SBK1: variants seen among roughly 807,000 people sequenced by gnomAD.
The protein encoded by SBK1 is SH3 domain binding kinase 1.
In SBK1, 11 loss-of-function variants were observed where a neutral mutation model predicts 24.4. The observed-to-expected ratio is 0.45, with a 90% CI of 0.28 to 0.75. SBK1 has a LOEUF of 0.75. SBK1 is among the 30% of genes least tolerant of loss of function. The pLI, the probability that SBK1 is intolerant of heterozygous loss-of-function variation, is 0.12. For synonymous variants in SBK1, 308 were observed against 284.4 expected (o/e 1.08, Z -0.83); for missense variants, 467 against 620.5 (o/e 0.75, Z 2.63).
chr16:28,289,534 G>A (rs1197296509), upstream of SBK1, among the ~76,000 whole-genome samples: 3 of 152,258 alleles, frequency 2.0e-5, no homozygotes, highest in African/African-American at 4.8e-5. Context: ...GGGAGGCTGA[G>A]GTGGACAGCT....
intron 1 of SBK1, among the ~76,000 whole-genome samples, chr16:28,304,186 A>G (rs1176388281): frequency 6.6e-6 from 1 of 152,226 alleles, no homozygotes; most frequent in African/African-American, 2.4e-5. Flanking sequence ...AGTTTGGTCA[A>G]ATGAATGGCA....
chr16:28,263,760 A>G (rs1432403226), intron 1 of SBK1, among the ~76,000 whole-genome samples: 1 of 152,190 alleles, frequency 6.6e-6, no homozygotes, highest in African/African-American at 2.4e-5. Flanking sequence ...CAGAATGAAT[A>G]GAGGACGCCA....
chr16:28,280,145 A>ATGTGTGTGTGTGTGTGTG (rs1292773760), intron 1 of SBK1, among the ~76,000 whole-genome samples: 8 of 55,284 alleles, frequency 1.4e-4, no homozygotes, highest in South Asian at 5.5e-4. Flanking sequence ...ATATATATAT[A>ATGTGTGTGTGTGTGTGTG]TATATGTGTG....
At chr16:28,313,746 G>C (rs1190841081) in intron 1 of SBK1, among the ~76,000 whole-genome samples, 1 of 152,004 alleles carries the variant, frequency 6.6e-6, no homozygotes, top group Non-Finnish European at 1.5e-5. Flanking sequence ...GGACGGTGCA[G>C]ATGGAGCTCC....
intron 1 of SBK1, among the ~76,000 whole-genome samples, chr16:28,296,426 C>T (rs1367962511): frequency 3.3e-5 from 5 of 151,998 alleles, no homozygotes; most frequent in African/African-American, 7.2e-5. Flanking sequence ...TGGGTAGAGA[C>T]GAGGTTTCAC....
At chr16:28,295,414 C>T (rs1219771658) in intron 1 of SBK1, among the ~76,000 whole-genome samples, 3 of 152,162 alleles carry the variant, frequency 2.0e-5, no homozygotes, top group Non-Finnish European at 2.9e-5. Context: ...CCTCCACCTC[C>T]CTTTTTGAGC....
At chr16:28,269,478 G>A (rs952959121) in intron 1 of SBK1, among the ~76,000 whole-genome samples, 34 of 152,156 alleles carry the variant, frequency 2.2e-4, no homozygotes, top group African/African-American at 8.0e-4. Flanking sequence ...AGACAGTAGA[G>A]AGGAGAGGAA....
At chr16:28,267,752 C>A (rs2044438747) in intron 1 of SBK1, among the ~76,000 whole-genome samples, 1 of 152,184 alleles carries the variant, frequency 6.6e-6, no homozygotes, top group Non-Finnish European at 1.5e-5. Context: ...ACTGCCAAAT[C>A]CCTGAAAGGT....
upstream of SBK1, chr16:28,258,879 G>C (rs1462212345): frequency 6.5e-6 from 1 of 152,906 alleles, no homozygotes; most frequent in Admixed American, 6.5e-5. Flanking sequence ...ACTCACCCCA[G>C]CCGAGGAGAA....
intron 1 of SBK1, among the ~76,000 whole-genome samples, chr16:28,266,237 C>T (rs755818353): frequency 6.6e-6 from 1 of 151,842 alleles, no homozygotes; most frequent in African/African-American, 2.4e-5. Flanking sequence ...CATAGTGGCA[C>T]GTATCGGTAT....
intron 1 of SBK1, among the ~76,000 whole-genome samples, chr16:28,265,969 A>C (rs1353713995): frequency 6.6e-6 from 1 of 151,904 alleles, no homozygotes; most frequent in Non-Finnish European, 1.5e-5. Context: ...AATTAAAAAA[A>C]AAAAAAAGAA....
chr16:28,271,506 A>G (rs1183879851), intron 1 of SBK1, among the ~76,000 whole-genome samples: 1 of 152,102 alleles, frequency 6.6e-6, no homozygotes, highest in East Asian at 1.9e-4. Flanking sequence ...GCAGTGAGCC[A>G]AGATCACACC....
chr16:28,298,656 C>G (rs2141579436), intron 1 of SBK1, among the ~76,000 whole-genome samples: 1 of 152,376 alleles, frequency 6.6e-6, no homozygotes, highest in East Asian at 1.9e-4. Flanking sequence ...CTCTGGCCTT[C>G]CCTGCCGGGG....
chr16:28,259,559 A>G lies in SBK1; in HGVS notation c.257+57A>G, dbSNP rs1220295862. 1.3e-5 allele frequency: 7 copies of G among 534,518 alleles called. No individual in the cohort carries two copies. Among genetic ancestry groups the G allele is most frequent in the Non-Finnish European group, 1.7e-5 (7 of 418,244 alleles). The allele number at this position is 534,518 out of a possible 1,614,324, so 33.1% of individuals were successfully genotyped here. On this transcript the variant is annotated intron_variant, in intron 1 of 3. Transcript: ENST00000671413. The surrounding 1 kb of genome is among the most constrained non-coding windows in gnomAD (Gnocchi z 6.0). ...AGCAGGTGGGCACAGCGCTCGACCC[A>G]GGGTGCCTGTGGGCCTGGCAGTCTT...
At chr16:28,311,370 C>T (rs1330140200) in intron 1 of SBK1, among the ~76,000 whole-genome samples, 5 of 151,884 alleles carry the variant, frequency 3.3e-5, no homozygotes, top group South Asian at 2.1e-4. Flanking sequence ...TGAGGAGGCA[C>T]GGCAGGGAGG....
chr16:28,311,958 G>A (rs1427944310), intron 1 of SBK1, among the ~76,000 whole-genome samples: 1 of 152,276 alleles, frequency 6.6e-6, no homozygotes, highest in East Asian at 1.9e-4. Context: ...GCCACTGGTG[G>A]CCACCAATTA....
intron 1 of SBK1, among the ~76,000 whole-genome samples, chr16:28,310,557 C>T (rs1003890112): frequency 1.3e-5 from 2 of 152,182 alleles, no homozygotes; most frequent in East Asian, 3.9e-4. Context: ...GTTTCCTCAT[C>T]TCAAAAGCCT....
chr16:28,299,791 A>C (rs557701004), intron 1 of SBK1, among the ~76,000 whole-genome samples: 1 of 152,292 alleles, frequency 6.6e-6, no homozygotes, highest in East Asian at 1.9e-4. Flanking sequence ...TTTGGAGTGC[A>C]TCCCACTTGG....
chr16:28,299,353 T>G (rs1360558799), intron 1 of SBK1, among the ~76,000 whole-genome samples: 5 of 152,196 alleles, frequency 3.3e-5, no homozygotes, highest in African/African-American at 4.8e-5. Context: ...TAGCCCCATC[T>G]TTACAGATGG....
Sources: allele counts gnomAD v4.1 joint callset (sites outside exome capture counted in the v4.1 genomes callset), GRCh38; gene constraint gnomAD v4.1.1; non-coding constraint Gnocchi (gnomAD v3.1); transcripts MANE v1.5; gene names NCBI Gene and HGNC (gene_info 2026-07-23, HGNC 2026-07-21).